SOCS6: variants seen among roughly 807,000 people sequenced by gnomAD.
SOCS6 encodes the protein STAT induced STAT inhibitor-4.
Under a neutral mutation model 27.7 loss-of-function variants are expected in SOCS6, and 5 were observed. The ratio of observed to expected loss-of-function variants is 0.18; its 90% CI spans 0.09 to 0.38. The LOEUF (loss-of-function observed/expected upper bound fraction) is 0.38. Among genes scored for constraint, SOCS6 ranks in the 10% least tolerant of loss-of-function variants. SOCS6 has a pLI of 1.00. For synonymous variants in SOCS6, 271 were observed against 260.0 expected, an observed-to-expected ratio of 1.04 and a Z score of -0.41; for missense variants, 595 against 688.1, an observed-to-expected ratio of 0.86 and a Z score of 1.51.
intron 1 of SOCS6, among the ~76,000 whole-genome samples, chr18:70,322,619 A>G (rs1010678402): frequency 6.6e-6 from 1 of 152,218 alleles, no homozygotes; most frequent in East Asian, 1.9e-4. Flanking sequence ...GGTAGAAGAC[A>G]TGCTACTAAG....
At chr18:70,295,866 T>A (rs1285275721) in intron 1 of SOCS6, among the ~76,000 whole-genome samples, 1 of 152,234 alleles carries the variant, frequency 6.6e-6, no homozygotes, top group Non-Finnish European at 1.5e-5. Flanking sequence ...GAGTGGACTC[T>A]GGTGTATGCA....
At chr18:70,302,160 C>A (rs930101248) in intron 1 of SOCS6, among the ~76,000 whole-genome samples, 1 of 152,046 alleles carries the variant, frequency 6.6e-6, no homozygotes, top group African/African-American at 2.4e-5. Context: ...TTAAGTGTGC[C>A]AGCTGACGGT....
At chr18:70,309,232 GT>G (rs1050574014) in intron 1 of SOCS6, among the ~76,000 whole-genome samples, 2 of 151,550 alleles carry the variant, frequency 1.3e-5, no homozygotes, top group Non-Finnish European at 2.9e-5. Flanking sequence ...TCACTTTTTT[GT>G]TTTTTTATCA....
intron 1 of SOCS6, among the ~76,000 whole-genome samples, chr18:70,294,806 G>T (rs1237114929): frequency 6.6e-6 from 1 of 152,162 alleles, no homozygotes; most frequent in Non-Finnish European, 1.5e-5. Flanking sequence ...AAAAGATGCC[G>T]CACTTGCCTT....
intron 1 of SOCS6, among the ~76,000 whole-genome samples, chr18:70,293,288 A>T (rs1340263444): frequency 1.3e-5 from 2 of 152,188 alleles, no homozygotes; most frequent in Non-Finnish European, 2.9e-5. Context: ...TGCCTGGCTG[A>T]GTAAATCATA....
intron 1 of SOCS6, among the ~76,000 whole-genome samples, chr18:70,316,252 T>TG (rs2062410969): frequency 2.0e-5 from 3 of 152,094 alleles, no homozygotes; most frequent in African/African-American, 7.2e-5. Context: ...TTTAATTAAT[T>TG]TTTTTTTGTT....
intron 1 of SOCS6, among the ~76,000 whole-genome samples, chr18:70,307,020 T>C (rs922225390): frequency 1.8e-4 from 28 of 152,200 alleles, no homozygotes; most frequent in African/African-American, 6.8e-4. Flanking sequence ...CCCAACACTT[T>C]GGGAGGTCTA....
intron 1 of SOCS6, among the ~76,000 whole-genome samples, chr18:70,299,270 C>T (rs1229191340): frequency 6.6e-5 from 10 of 152,180 alleles, no homozygotes; most frequent in Admixed American, 6.5e-4. Flanking sequence ...TCTCATACTT[C>T]TGACCGACTG....
chr18:70,320,616 ATTGT>A (rs1308408722), intron 1 of SOCS6, among the ~76,000 whole-genome samples: 1 of 152,200 alleles, frequency 6.6e-6, no homozygotes, highest in Admixed American at 6.5e-5. Flanking sequence ...TTTTGCTATA[ATTGT>A]TTAATTTTAT....
At chr18:70,321,383 CAA>C (rs1910985646) in intron 1 of SOCS6, among the ~76,000 whole-genome samples, 1 of 125,940 alleles carries the variant, frequency 7.9e-6, no homozygotes, top group Non-Finnish European at 1.6e-5. Context: ...TGCAGTGGCG[CAA>C]TCTTGGCTCA....
At chr18:70,303,756 A>G (rs139578523) in intron 1 of SOCS6, among the ~76,000 whole-genome samples, 3,896 of 152,292 alleles carry the variant, frequency 0.026, 91 homozygotes, top group South Asian at 0.078. Context: ...GCACTACTGC[A>G]CTCCAGCCTG....
chr18:70,323,694 T>C (rs1371920252), intron 1 of SOCS6, among the ~76,000 whole-genome samples: 2 of 152,210 alleles, frequency 1.3e-5, no homozygotes, highest in African/African-American at 4.8e-5. Flanking sequence ...TAGAGGAACA[T>C]CTCTAGATAG....
chr18:70,302,746 A>C (rs2062353680), intron 1 of SOCS6, among the ~76,000 whole-genome samples: 1 of 146,964 alleles, frequency 6.8e-6, no homozygotes, highest in Non-Finnish European at 1.5e-5. Context: ...GCCGGTTCCT[A>C]ACTGTATATA....
At chr18:70,313,730 C>A (rs910961910) in intron 1 of SOCS6, among the ~76,000 whole-genome samples, 6 of 152,206 alleles carry the variant, frequency 3.9e-5, no homozygotes, top group African/African-American at 1.4e-4. Flanking sequence ...TCATTTCCCT[C>A]CTCTAGCGTT....
At position 70,329,576 on chromosome 18, in the gene SOCS6, A is replaced by G. The variant is rs1240699813; in HGVS notation, c.*3300A>G. The G allele has an allele frequency of 3.4e-4, 57 of 167,112 alleles. No homozygotes were observed. The highest frequency in any genetic ancestry group is 1.5e-5 in the Non-Finnish European group (1 of 68,112). The allele number at this position is 167,112 out of a possible 1,614,324, so 10.4% of individuals were successfully genotyped here. On this transcript the variant is annotated 3_prime_UTR_variant, in exon 2 of 2. Transcript: ENST00000397942. ...GAATGAATCGGAATAATACATTTTC[A>G]TTTAAATCTTAATTGCTTTTCATTA...
intron 1 of SOCS6, among the ~76,000 whole-genome samples, chr18:70,316,969 T>G (rs1312658742): frequency 6.6e-6 from 1 of 152,232 alleles, no homozygotes; most frequent in Non-Finnish European, 1.5e-5. Flanking sequence ...TAATTAGAAG[T>G]TTAATTGCCT....
At chr18:70,305,969 G>T (rs2062367576) in intron 1 of SOCS6, among the ~76,000 whole-genome samples, 1 of 152,030 alleles carries the variant, frequency 6.6e-6, no homozygotes, top group Admixed American at 6.6e-5. Context: ...CAGGCGTGGG[G>T]GCTTATGCCT....
chr18:70,302,370 G>A (rs1414991101), intron 1 of SOCS6, among the ~76,000 whole-genome samples: 1 of 152,116 alleles, frequency 6.6e-6, no homozygotes, highest in African/African-American at 2.4e-5. Flanking sequence ...AGAGAGGGAA[G>A]GTGTGAAATG....
intron 1 of SOCS6, among the ~76,000 whole-genome samples, chr18:70,316,949 C>A (rs1446476834): frequency 6.6e-6 from 1 of 152,160 alleles, no homozygotes; most frequent in Non-Finnish European, 1.5e-5. Context: ...TTTAGCACTT[C>A]TTTTAAGTAT....
Sources: gnomAD v4.1 joint callset for allele counts (sites outside exome capture counted in the v4.1 genomes callset) on GRCh38, gnomAD v4.1.1 for gene constraint, MANE v1.5 for transcripts, NCBI Gene and HGNC (gene_info 2026-07-23, HGNC 2026-07-21) for gene names.